Variants in DNMT3A observed in about 807,000 individuals in gnomAD.
DNMT3A encodes DNA (cytosine-5)-methyltransferase 3A.
DNMT3A carries 267 observed loss-of-function variants against 117.6 expected under a neutral mutation model. That is an observed-to-expected ratio of 2.27 (90% CI 2.05 to 2.51). DNMT3A has a LOEUF of 2.51. Among genes scored for constraint, DNMT3A ranks in the 30% most tolerant of loss-of-function variants. DNMT3A has a pLI of 0.00. For synonymous variants in DNMT3A, 432 were observed against 474.8 expected, an observed-to-expected ratio of 0.91 and a Z score of 1.17; for missense variants, 1,029 against 1,260.2, an observed-to-expected ratio of 0.82 and a Z score of 2.78.
At position 25,236,977 on chromosome 2, in the gene DNMT3A, G is replaced by A. The variant is rs561951805; in HGVS notation, c.2437C>T (p.Leu813=). The A allele has an allele frequency of 6.2e-7, 1 of 1,613,678 alleles. No individual in the cohort carries two copies. Among genetic ancestry groups the A allele is most frequent in the South Asian group, 1.1e-5 (1 of 90,968 alleles). Residue 813 remains leucine (L), a synonymous_variant, in exon 21 of 23, where the codon CTG becomes TTG. Coordinates refer to ENST00000321117, the MANE Select transcript of DNMT3A (RefSeq NM_022552.5). This position sits in a 1 kb window ranked among gnomAD's most constrained non-coding sequence, Gnocchi z 4.5. The part of the protein sequence containing the change: ...RPLASTVNDK[L]ELQECLEHGR... ...TGCTCCAGACACTCCTGCAGCTCCA[G>A]CTTATCATTCACAGTGGATGCCAAC...
rs1220753680 is a variant in DNMT3A at position 25,247,091 on chromosome 2, T to C, written c.1082A>G (p.Lys361Arg). 2 of 1,614,160 alleles carry C rather than the reference T, an allele frequency of 1.2e-6. No individual in the cohort carries two copies. The highest frequency in any genetic ancestry group is 1.7e-6 in the Non-Finnish European group (2 of 1,180,004). ...GATGGCTTTGCGGTACATGGGCTGC[T>C]TGTTGTACGTGGCCTGGTGGAACGC... The part of the protein sequence containing the change: ...CSAFHQATYN[K>R]QPMYRKAIYE... The change falls in exon 9 of 23, where the codon AAG becomes AGG. Residue 361 changes from lysine (K) to arginine (R), a missense_variant. Transcript: ENST00000321117. The surrounding 1 kb of genome is among the most constrained non-coding windows in gnomAD (Gnocchi z 5.6).
At chr2:25,285,607 C>T (rs1009014181) in intron 3 of DNMT3A, among the ~76,000 whole-genome samples, 10 of 152,332 alleles carry the variant, frequency 6.6e-5, no homozygotes, top group African/African-American at 1.7e-4. Context: ...CTGGTAAAAG[C>T]GAGAAGTCCT....
rs373014701 is a variant in DNMT3A at position 25,235,726 on chromosome 2, A to G, written c.2578T>C (p.Trp860Arg). The G allele has an allele frequency of 2.0e-5, 32 of 1,613,782 alleles. No homozygotes were observed. The highest frequency in any genetic ancestry group is 4.0e-5 in the African/African-American group (3 of 74,918). ...GGGTACCTTTCCATTTCAGTGCACC[A>G]TAAGATGTCCTCTTTCTCATTCATG... is the stretch of plus-strand genomic sequence containing the variant. ...VFMNEKEDIL[W>R]CTEMERVFGF... The change falls in exon 22 of 23, where the codon TGG becomes CGG. Residue 860 changes from tryptophan (W) to arginine (R), a missense_variant. Transcript: ENST00000321117.
chr2:25,255,801 G>A (rs923135224), intron 6 of DNMT3A, among the ~76,000 whole-genome samples: 1 of 152,146 alleles, frequency 6.6e-6, no homozygotes, highest in African/African-American at 2.4e-5. Context: ...CTGGGTCATT[G>A]AAGAGTCATG....
intron 1 of DNMT3A, among the ~76,000 whole-genome samples, chr2:25,322,752 G>C (rs543994367): frequency 2.1e-5 from 3 of 145,012 alleles, no homozygotes; most frequent in East Asian, 4.1e-4. Flanking sequence ...TGGCCCCCCT[G>C]CCACCCCACA....
upstream of DNMT3A, among the ~76,000 whole-genome samples, chr2:25,342,156 G>A (rs1325263266): frequency 6.9e-6 from 1 of 145,140 alleles, no homozygotes; most frequent in African/African-American, 2.5e-5. This position sits in a 1 kb window ranked among gnomAD's most constrained non-coding sequence, Gnocchi z 5.9. Flanking sequence ...CGGCCCGGGA[G>A]GCAGCGCCGA....
chr2:25,326,816 GCTT>G (rs2034806453), intron 1 of DNMT3A, among the ~76,000 whole-genome samples: 1 of 152,208 alleles, frequency 6.6e-6, no homozygotes, highest in Non-Finnish European at 1.5e-5. Context: ...AATGCAGACA[GCTT>G]CTCCAGCACC....
intron 3 of DNMT3A, among the ~76,000 whole-genome samples, chr2:25,287,160 A>C (rs1573430634): frequency 1.3e-5 from 2 of 152,030 alleles, no homozygotes; most frequent in East Asian, 1.9e-4. Context: ...AAAGAGACAC[A>C]GCACACCCCC....
At chr2:25,326,106 A>ATGTGTGTG (rs1159330144) in intron 1 of DNMT3A, among the ~76,000 whole-genome samples, 30 of 103,350 alleles carry the variant, frequency 2.9e-4, no homozygotes, top group African/African-American at 1.2e-3. Context: ...AACTTGATAT[A>ATGTGTGTG]TATGTGTGTG....
chr2:25,245,404 A>C, intron 12 of DNMT3A, 72 bp from the exon 13 acceptor site: 54 of 1,378,448 alleles, frequency 3.9e-5, no homozygotes, highest in South Asian at 6.2e-5. Flanking sequence ...GGAGCCCAGC[A>C]CCAGACCAGC....
In DNMT3A at chr2:25,337,345, C is replaced by T. The variant is rs547084428; in HGVS notation, c.-178+4481G>A. Among the ~76,000 whole-genome samples the T allele has an allele frequency of 1.3e-5, 2 of 152,288 alleles. No individual in the cohort carries two copies. Among genetic ancestry groups the T allele is most frequent in the African/African-American group, 4.8e-5 (2 of 41,556 alleles). On this transcript the variant is annotated intron_variant, in intron 1 of 22. Coordinates refer to ENST00000321117, the MANE Select transcript of DNMT3A (RefSeq NM_022552.5). This position sits in a 1 kb window ranked among gnomAD's most constrained non-coding sequence, Gnocchi z 5.0. ...GAGCACTTCCTGCAGTGCTAGTCCA[C>T]GTGAGCCACCCAAATGATGAAAACA...
In DNMT3A at chr2:25,244,148, C is replaced by T. The variant is rs1674424896; in HGVS notation, c.1851+7G>A. 6.2e-7 allele frequency: 1 copy of T among 1,614,006 alleles called. No homozygotes were observed. The highest frequency in any genetic ancestry group is 1.1e-5 in the South Asian group (1 of 91,078). On this transcript the variant is annotated splice_region_variant and intron_variant, in intron 15 of 22. Coordinates refer to ENST00000321117, the MANE Select transcript of DNMT3A (RefSeq NM_022552.5). Reference sequence around the variant, plus strand: ...GCTCGAGACCGCGCCCCAGGCCCAGCACTCACAAATTCCTGGTCGTGGTTA... The same window carrying T: ...GCTCGAGACCGCGCCCCAGGCCCAGTACTCACAAATTCCTGGTCGTGGTTA...
In DNMT3A at chr2:25,234,183, CT is replaced by C; in HGVS notation, c.*95del. 6.7e-7 allele frequency: 1 copy of C among 1,496,808 alleles called. No individual in the cohort carries two copies. Among genetic ancestry groups the C allele is most frequent in the Non-Finnish European group, 8.9e-7 (1 of 1,117,458 alleles). The allele number at this position is 1,496,808 out of a possible 1,614,324, so 92.7% of individuals were successfully genotyped here. ...TTTTCTCTTCTGGGTGCTGATACTT[CT>C]CTCCATCCTCATGTTCTTGGTGTTT... On this transcript the variant is annotated 3_prime_UTR_variant, in exon 23 of 23. Coordinates refer to ENST00000321117, the MANE Select transcript of DNMT3A (RefSeq NM_022552.5). This position sits in a 1 kb window ranked among gnomAD's most constrained non-coding sequence, Gnocchi z 4.5.
chr2:25,270,826 G>A (rs939090901), intron 6 of DNMT3A, among the ~76,000 whole-genome samples: 1 of 152,196 alleles, frequency 6.6e-6, no homozygotes, highest in Non-Finnish European at 1.5e-5. Context: ...GAGAAAAGAG[G>A]AGAAATGTCT....
chr2:25,256,392 C>T (rs1676144836), intron 6 of DNMT3A, among the ~76,000 whole-genome samples: 1 of 152,182 alleles, frequency 6.6e-6, no homozygotes, highest in Non-Finnish European at 1.5e-5. Flanking sequence ...CTTTCACCAC[C>T]TAAACCCTGC....
chr2:25,333,441 T>G (rs1363188069), intron 1 of DNMT3A, among the ~76,000 whole-genome samples: 1 of 152,110 alleles, frequency 6.6e-6, no homozygotes. Context: ...GTGATTCTCC[T>G]GCCTCAGCCT....
chr2:25,301,206 T>C (rs1037236966), intron 2 of DNMT3A, among the ~76,000 whole-genome samples: 2 of 151,430 alleles, frequency 1.3e-5, no homozygotes, highest in Non-Finnish European at 1.5e-5. Context: ...GAGGCAGAGG[T>C]TGCAGTGAGC....
rs1558650888 is a variant in DNMT3A at position 25,234,308 on chromosome 2, G to A, written c.2710C>T (p.Pro904Ser). The A allele has an allele frequency of 1.2e-6, 2 of 1,613,892 alleles. No homozygotes were observed. Among genetic ancestry groups the A allele is most frequent in the Non-Finnish European group, 8.5e-7 (1 of 1,179,964 alleles). Residue 904 changes from proline to serine, a missense_variant, in exon 23 of 23, where the codon CCG becomes TCG. By Grantham distance (74) the Pro-to-Ser change is moderately conservative. Coordinates refer to ENST00000321117, the MANE Select transcript of DNMT3A (RefSeq NM_022552.5). This position sits in a 1 kb window ranked among gnomAD's most constrained non-coding sequence, Gnocchi z 4.5. ...ACACACGCAAAATACTCCTTCAGCG[G>A]AGCGAAGAGGTGGCGGATGACTGGC... ...SVPVIRHLFA[P>S]LKEYFACV
intron 2 of DNMT3A, among the ~76,000 whole-genome samples, chr2:25,301,383 G>C (rs1190922340): frequency 6.6e-6 from 1 of 152,140 alleles, no homozygotes; most frequent in Non-Finnish European, 1.5e-5. Flanking sequence ...GTACAGCTGT[G>C]AACACCCCTG....
Sources: gnomAD v4.1 joint callset for allele counts (sites outside exome capture counted in the v4.1 genomes callset) on GRCh38, gnomAD v4.1.1 for gene constraint, Gnocchi (gnomAD v3.1) non-coding constraint, MANE v1.5 for transcripts, NCBI Gene and HGNC (gene_info 2026-07-23, HGNC 2026-07-21) for gene names.